ABCA13: variants seen among roughly 807,000 people sequenced by gnomAD.
The protein encoded by ABCA13 is ATP-binding cassette sub-family A member 13.
Under a neutral mutation model 478.7 loss-of-function variants are expected in ABCA13, and 476 were observed. That is an observed-to-expected ratio of 0.99 (90% confidence interval 0.92 to 1.07). The LOEUF (loss-of-function observed/expected upper bound fraction) is 1.07. ABCA13 is among the 50% of genes least tolerant of loss of function. The pLI is 0.00. For missense variants in ABCA13, 6,060 were observed against 5,910.6 expected, an observed-to-expected ratio of 1.03 and a Z score of -0.83; for synonymous variants, 2,252 against 2,158.9, an observed-to-expected ratio of 1.04 and a Z score of -1.20.
chr7:48,376,926 C>T (rs1029093713), intron 35 of ABCA13, among the ~76,000 whole-genome samples: 1 of 151,972 alleles, frequency 6.6e-6, no homozygotes, highest in Non-Finnish European at 1.5e-5. Flanking sequence ...TGGGGGTGCT[C>T]AGAGTGCCTT....
At chr7:48,438,714 C>A (rs934798866) in intron 42 of ABCA13, among the ~76,000 whole-genome samples, 4 of 151,548 alleles carry the variant, frequency 2.6e-5, no homozygotes, top group Non-Finnish European at 1.5e-5. Flanking sequence ...CTTAACATTT[C>A]TTTCCTCATT....
intron 25 of ABCA13, among the ~76,000 whole-genome samples, chr7:48,313,459 T>C (rs947504241): frequency 1.1e-4 from 17 of 152,282 alleles, no homozygotes; most frequent in African/African-American, 4.1e-4. Flanking sequence ...ATTCCACCAG[T>C]GTGGAGATTG....
chr7:48,473,234 C>T (rs1011399311), intron 45 of ABCA13, among the ~76,000 whole-genome samples: 1 of 152,124 alleles, frequency 6.6e-6, no homozygotes, highest in Non-Finnish European at 1.5e-5. Flanking sequence ...ACAATATTAC[C>T]CTTCAAGGTG....
At chr7:48,388,042 G>A (rs2129051720) in intron 36 of ABCA13, 83 bp downstream of exon 36, 1 of 1,440,422 alleles carries the variant, frequency 6.9e-7, no homozygotes, top group Middle Eastern at 2.4e-4. Flanking sequence ...TTATGGTCCA[G>A]CCTTTTCAAG....
chr7:48,574,208 G>A (rs1170567788), intron 55 of ABCA13, among the ~76,000 whole-genome samples: 1 of 152,048 alleles, frequency 6.6e-6, no homozygotes, highest in Non-Finnish European at 1.5e-5. Flanking sequence ...GGATGATTCT[G>A]TTTTACTTCA....
Position 48,352,176 on chromosome 7 carries a change from A to G in ABCA13, c.10382-5A>G, listed in dbSNP as rs944233940. ...AATGCTTCGTTTTTCCTTTTCTGCC[A>G]CTAGGTATCATTTTCAGCAATTCCT... is the stretch of plus-strand genomic sequence containing the variant. On this transcript the variant is annotated splice_region_variant and splice_polypyrimidine_tract_variant and intron_variant, in intron 30 of 61. Transcript: ENST00000435803. 17 of 1,597,812 alleles carry G rather than the reference A, an allele frequency of 1.1e-5. No individual in the cohort carries two copies. The highest frequency in any genetic ancestry group is 1.4e-5 in the Non-Finnish European group (16 of 1,169,804).
chr7:48,592,697 T>C lies in ABCA13; in HGVS notation c.14641-2013T>C, dbSNP rs575315323. ...GCCTTGAACTCCCCTATTATTATTG[T>C]ACTTATGTCTTTTACTCCTTTCAGT... On this transcript the variant is annotated intron_variant, in intron 57 of 61. Transcript: ENST00000435803. Among the ~76,000 whole-genome samples the C allele has an allele frequency of 2.4e-3, 359 of 152,140 alleles. 1 individual carries two copies. Among genetic ancestry groups the C allele is most frequent in the South Asian group, 0.018 (89 of 4,832 alleles).
chr7:48,602,981 C>T (rs1339094688), intron 58 of ABCA13, among the ~76,000 whole-genome samples: 5 of 151,978 alleles, frequency 3.3e-5, no homozygotes, highest in Admixed American at 1.3e-4. Context: ...ATTTTATTCT[C>T]TTTGTAGCAA....
intron 35 of ABCA13, among the ~76,000 whole-genome samples, chr7:48,379,124 G>C (rs926038452): frequency 6.6e-6 from 1 of 152,174 alleles, no homozygotes; most frequent in Non-Finnish European, 1.5e-5. Context: ...CAAAGGCATA[G>C]AGCTGAATAA....
At chr7:48,215,770 C>T (rs575674324) in intron 3 of ABCA13, among the ~76,000 whole-genome samples, 23 of 152,288 alleles carry the variant, frequency 1.5e-4, no homozygotes, top group South Asian at 6.2e-4. Flanking sequence ...ATCTCCCCCA[C>T]GCCTAACCCT....
intron 15 of ABCA13, among the ~76,000 whole-genome samples, chr7:48,254,897 C>A (rs1447115354): frequency 6.6e-6 from 1 of 152,064 alleles, no homozygotes; most frequent in African/African-American, 2.4e-5. Context: ...GCCTCTCTTC[C>A]CTCATTTTTG....
At chr7:48,517,652 A>C (rs750115252) in intron 52 of ABCA13, among the ~76,000 whole-genome samples, 6 of 152,156 alleles carry the variant, frequency 3.9e-5, no homozygotes, top group Non-Finnish European at 8.8e-5. Flanking sequence ...GCCCCTCAGC[A>C]TCCCCAGTGC....
chr7:48,221,371 C>A, intron 5 of ABCA13, 62 bp downstream of exon 5: 2 of 801,874 alleles, frequency 2.5e-6, no homozygotes, highest in Non-Finnish European at 3.8e-6. Context: ...AAGTTTACAA[C>A]ACTGTTTTTA....
At chr7:48,634,034 C>T (rs542076074) in intron 59 of ABCA13, among the ~76,000 whole-genome samples, 1 of 152,200 alleles carries the variant, frequency 6.6e-6, no homozygotes, top group African/African-American at 2.4e-5. Context: ...CTCAAAACCA[C>T]ACAATTACAT....
chr7:48,539,183 C>A (rs557451601), intron 55 of ABCA13, among the ~76,000 whole-genome samples: 1 of 152,020 alleles, frequency 6.6e-6, no homozygotes, highest in Non-Finnish European at 1.5e-5. Context: ...AGTTTGAGAC[C>A]GGTCTGGGAA....
intron 59 of ABCA13, among the ~76,000 whole-genome samples, chr7:48,627,781 G>A (rs1793798863): frequency 6.6e-6 from 1 of 152,110 alleles, no homozygotes; most frequent in African/African-American, 2.4e-5. Flanking sequence ...TTCTGGTGAG[G>A]GCCTAGTGCT....
chr7:48,458,762 G>A (rs1376324829), intron 43 of ABCA13, among the ~76,000 whole-genome samples: 1 of 152,128 alleles, frequency 6.6e-6, no homozygotes, highest in African/African-American at 2.4e-5. Flanking sequence ...CTCATAGAGG[G>A]TTTGAGCTTC....
Position 48,645,910 on chromosome 7 carries a change from C to A in ABCA13, c.*398C>A, listed in dbSNP as rs909106041. 1 of 171,156 alleles carries A rather than the reference C, an allele frequency of 5.8e-6. No homozygotes were observed. The allele number at this position is 171,156 out of a possible 1,614,324, so 10.6% of individuals were successfully genotyped here. On this transcript the variant is annotated 3_prime_UTR_variant, in exon 62 of 62. Coordinates refer to ENST00000435803, the MANE Select transcript of ABCA13 (RefSeq NM_152701.5). ...TGTTAAGAAAACTGAGCCCCCTCCC[C>A]ACAGGTTAAAAAACTTTAGTAACTT...
intron 58 of ABCA13, among the ~76,000 whole-genome samples, chr7:48,595,549 G>T (rs1473065369): frequency 6.6e-6 from 1 of 152,166 alleles, no homozygotes; most frequent in Admixed American, 6.5e-5. Flanking sequence ...CAGTTTTATG[G>T]ATGTTGACAG....
Sources: allele counts gnomAD v4.1 joint callset (sites outside exome capture counted in the v4.1 genomes callset), GRCh38; gene constraint gnomAD v4.1.1; transcripts MANE v1.5; gene names NCBI Gene and HGNC (gene_info 2026-07-23, HGNC 2026-07-21).